The following TASP1 variants were observed in gnomAD, a reference collection of about 807,000 sequenced individuals.
The protein encoded by TASP1 is threonine aspartase 1.
Under a neutral mutation model 56.6 loss-of-function variants are expected in TASP1, and 16 were observed. That is an observed-to-expected ratio of 0.28 (90% CI 0.19 to 0.43). The LOEUF is 0.43. Among genes scored for constraint, TASP1 ranks in the 20% least tolerant of loss-of-function variants. The pLI, the probability that TASP1 is intolerant of heterozygous loss-of-function variation, is 1.00. For synonymous variants in TASP1, 179 were observed against 184.2 expected (o/e 0.97, Z 0.23); for missense variants, 393 against 511.6 (o/e 0.77, Z 2.24).
the TASP1 span, among the ~76,000 whole-genome samples, chr20:13,215,320 T>C: frequency 6.6e-6 from 1 of 152,186 alleles, no homozygotes; most frequent in African/African-American, 2.4e-5. Flanking sequence ...TCTGACCAAA[T>C]AGTTTGTTCT....
chr20:13,430,253 T>C (rs1399915925), intron 12 of TASP1, among the ~76,000 whole-genome samples: 1 of 152,230 alleles, frequency 6.6e-6, no homozygotes, highest in African/African-American at 2.4e-5. Flanking sequence ...TGCTACGTAA[T>C]AAATTCTCTC....
chr20:13,228,832 A>C, the TASP1 span, among the ~76,000 whole-genome samples: 1 of 152,204 alleles, frequency 6.6e-6, no homozygotes, highest in African/African-American at 2.4e-5. Context: ...TTTTCTTCTC[A>C]TACTTTTATT....
the TASP1 span, among the ~76,000 whole-genome samples, chr20:13,145,284 G>A: frequency 1.3e-5 from 2 of 152,082 alleles, no homozygotes; most frequent in African/African-American, 4.8e-5. Context: ...AACGACTTCA[G>A]CAAAGTTGCA....
chr20:13,503,544 A>G (rs1336246598), intron 10 of TASP1, among the ~76,000 whole-genome samples: 1 of 152,202 alleles, frequency 6.6e-6, no homozygotes, highest in Non-Finnish European at 1.5e-5. Flanking sequence ...CCAGTAATGC[A>G]ACATGTCAAA....
chr20:13,476,344 T>C (rs1033255640), intron 11 of TASP1, among the ~76,000 whole-genome samples: 1 of 152,198 alleles, frequency 6.6e-6, no homozygotes, highest in African/African-American at 2.4e-5. Flanking sequence ...CCTGGGAGTT[T>C]CATACATCTA....
At chr20:13,162,072 A>C in the TASP1 span, among the ~76,000 whole-genome samples, 2 of 152,238 alleles carry the variant, frequency 1.3e-5, no homozygotes, top group Admixed American at 1.3e-4. Context: ...TGTTTCTTTT[A>C]AATGAAATGA....
chr20:13,128,713 CAG>C, the TASP1 span, among the ~76,000 whole-genome samples: 1 of 151,566 alleles, frequency 6.6e-6, no homozygotes, highest in Non-Finnish European at 1.5e-5. Flanking sequence ...AAATTTGAGA[CAG>C]AGTCTTGCTC....
intron 13 of TASP1, among the ~76,000 whole-genome samples, chr20:13,401,074 C>A (rs1464379997): frequency 2.0e-5 from 3 of 152,154 alleles, no homozygotes; most frequent in Non-Finnish European, 4.4e-5. Flanking sequence ...CTTCACCAAA[C>A]AGGGCGGCTA....
At chr20:13,127,369 A>T in the TASP1 span, among the ~76,000 whole-genome samples, 1 of 152,214 alleles carries the variant, frequency 6.6e-6, no homozygotes, top group Non-Finnish European at 1.5e-5. Flanking sequence ...GGTGCTGAAT[A>T]AGGCAGTTCT....
the TASP1 span, among the ~76,000 whole-genome samples, chr20:13,220,304 G>A: frequency 3.0e-4 from 46 of 152,348 alleles, no homozygotes; most frequent in African/African-American, 1.0e-3. Flanking sequence ...GACCGACACA[G>A]TTCGCTCTAG....
the TASP1 span, among the ~76,000 whole-genome samples, chr20:13,205,782 T>C: frequency 1.9e-4 from 29 of 152,140 alleles, no homozygotes; most frequent in Admixed American, 1.4e-3. Context: ...TGTCATCAAG[T>C]AGGGGAAGTG....
the TASP1 span, among the ~76,000 whole-genome samples, chr20:13,338,310 A>G: frequency 3.3e-5 from 5 of 152,198 alleles, no homozygotes; most frequent in African/African-American, 7.2e-5. Context: ...TTAGCATATA[A>G]TGAGCAGTGA....
At chr20:13,437,455 G>A (rs1258754880) in intron 11 of TASP1, among the ~76,000 whole-genome samples, 1 of 152,182 alleles carries the variant, frequency 6.6e-6, no homozygotes, top group African/African-American at 2.4e-5. Flanking sequence ...GCACAAGACA[G>A]GGATGCCCTC....
the TASP1 span, among the ~76,000 whole-genome samples, chr20:13,113,625 G>C: frequency 9.2e-5 from 14 of 152,284 alleles, no homozygotes; most frequent in South Asian, 2.1e-4. Flanking sequence ...CTGGGACCTA[G>C]GTTCAAATCC....
the TASP1 span, chr20:13,168,306 C>A: frequency 6.6e-6 from 1 of 152,138 alleles, no homozygotes; most frequent in Non-Finnish European, 1.5e-5. Context: ...GCCTCAGCCT[C>A]CTGAGGAGCT....
chr20:13,475,764 C>T (rs1352026532), intron 11 of TASP1, among the ~76,000 whole-genome samples: 1 of 151,994 alleles, frequency 6.6e-6, no homozygotes, highest in Non-Finnish European at 1.5e-5. Flanking sequence ...GGCATGGTGG[C>T]GGATGCTTGT....
At chr20:13,232,901 C>T in the TASP1 span, among the ~76,000 whole-genome samples, 1 of 152,134 alleles carries the variant, frequency 6.6e-6, no homozygotes, top group South Asian at 2.1e-4. Flanking sequence ...AGGAATTCTC[C>T]TTTCTTTTCA....
chr20:13,202,797 T>C, the TASP1 span, among the ~76,000 whole-genome samples: 1 of 152,250 alleles, frequency 6.6e-6, no homozygotes, highest in Non-Finnish European at 1.5e-5. Flanking sequence ...TTGCCTTATT[T>C]GAACAGAGTT....
the TASP1 span, among the ~76,000 whole-genome samples, chr20:13,141,582 G>A: frequency 8.5e-5 from 13 of 152,054 alleles, no homozygotes; most frequent in Admixed American, 5.9e-4. Flanking sequence ...AAAAAATTCC[G>A]CCCAAAATGT....
Sources: gnomAD v4.1 joint callset for allele counts (sites outside exome capture counted in the v4.1 genomes callset) on GRCh38, gnomAD v4.1.1 for gene constraint, MANE v1.5 for transcripts, NCBI Gene and HGNC (gene_info 2026-07-23, HGNC 2026-07-21) for gene names.